Variants in JCAD observed in about 807,000 individuals in gnomAD.
JCAD encodes the protein junctional cadherin 5-associated protein.
JCAD carries 40 observed loss-of-function variants against 98.0 expected under a neutral mutation model. The ratio of observed to expected loss-of-function variants is 0.41; its 90% CI spans 0.32 to 0.53. The LOEUF is 0.53. Ranked by LOEUF, JCAD falls within the 20% of genes least tolerant of loss-of-function variation. The probability of loss-of-function intolerance (pLI) is 0.31; values close to 1 mark genes in which losing one functional copy is unlikely to be tolerated. For synonymous variants in JCAD, 691 were observed against 682.3 expected, an observed-to-expected ratio of 1.01 and a Z score of -0.20; for missense variants, 1,705 against 1,738.1, an observed-to-expected ratio of 0.98 and a Z score of 0.34.
At position 30,044,757 on chromosome 10, in the gene JCAD, G is replaced by A. The variant is rs539791288; in HGVS notation, c.281+2775C>T. 49 of 976,776 alleles carry A rather than the reference G, an allele frequency of 5.0e-5. No homozygotes were observed. In the South Asian group the frequency reaches 2.2e-3, roughly 44 times the overall value. 60.5% of individuals were successfully genotyped at this position (976,776 alleles called of 1,614,324 possible). ...TCCCAAAGCACTTTGTTTCTGATGG[G>A]GAAAAACAATTCTCCTTCATGCCTA... On this transcript the variant is annotated intron_variant, in intron 2 of 3. Transcript: ENST00000375377.
In JCAD at chr10:30,029,042, C is replaced by T. The variant is rs768035196; in HGVS notation, c.1106G>A (p.Gly369Asp). ...GGTCGGAGACTGCTGTTGACTGTGA[C>T]CGCCACACACATTTATGGGCACCGT... ...EDTVPINVCGGHSQQQSPTEK... is the reference protein window; with the variant it reads ...EDTVPINVCGDHSQQQSPTEK... Residue 369 changes from glycine to aspartate, a missense_variant, in exon 3 of 4, where the codon GGT (glycine) becomes GAT (aspartate). By Grantham distance (94) the Gly-to-Asp change is moderately conservative. This residue lies in a region of JCAD where 275 missense variants were observed against 346.9 expected (regional missense o/e 0.79). Transcript: ENST00000375377. The T allele has an allele frequency of 6.2e-7, 1 of 1,614,102 alleles. No individual in the cohort carries two copies. Among genetic ancestry groups the T allele is most frequent in the Non-Finnish European group, 8.5e-7 (1 of 1,180,020 alleles).
intron 2 of JCAD, among the ~76,000 whole-genome samples, chr10:30,043,928 T>C (rs909163641): frequency 1.3e-5 from 2 of 152,222 alleles, no homozygotes; most frequent in Non-Finnish European, 1.5e-5. Context: ...AAATGTTTAT[T>C]CTGTCTAAAA....
At chr10:30,019,942 GGA>G (rs1836623340) in intron 3 of JCAD, among the ~76,000 whole-genome samples, 1 of 132,624 alleles carries the variant, frequency 7.5e-6, no homozygotes, top group African/African-American at 2.8e-5. Context: ...AAAAGAAAAA[GGA>G]AAAAAAACAG....
chr10:30,017,810 C>T lies in JCAD; in HGVS notation c.*73G>A. The T allele has an allele frequency of 7.3e-7, 1 of 1,368,976 alleles. No individual in the cohort carries two copies. The highest frequency in any genetic ancestry group is 1.0e-6 in the Non-Finnish European group (1 of 956,514). The allele number at this position is 1,368,976 out of a possible 1,614,324, so 84.8% of individuals were successfully genotyped here. On this transcript the variant is annotated 3_prime_UTR_variant, in exon 4 of 4. Coordinates refer to ENST00000375377, the MANE Select transcript of JCAD (RefSeq NM_020848.4). ...CCAGCTTCTACATGGGGAAGTGGGGCTGATAGACTAAATCTACCAGCTACT... is the reference window on the plus strand; with the variant it reads ...CCAGCTTCTACATGGGGAAGTGGGGTTGATAGACTAAATCTACCAGCTACT...
At chr10:30,055,311 C>T (rs1837548379) in intron 1 of JCAD, among the ~76,000 whole-genome samples, 1 of 152,192 alleles carries the variant, frequency 6.6e-6, no homozygotes. Flanking sequence ...GTAAATATCT[C>T]TTCAACTGAC....
rs1263955282 is a variant in JCAD, at chr10:30,013,702, C to T, written c.*4181G>A. 1 of 152,218 alleles carries T rather than the reference C, an allele frequency of 6.6e-6. No homozygotes were observed. The highest frequency in any genetic ancestry group is 6.5e-5 in the Admixed American group (1 of 15,284). The allele number at this position is 152,218 out of a possible 1,614,324, so 9.4% of individuals were successfully genotyped here. Reference sequence around the variant, plus strand: ...CCTGTCTTTCATACGGAAAGGGTTCCTCCTAACCCCTATCAAAGCATGGGG... The same window carrying T: ...CCTGTCTTTCATACGGAAAGGGTTCTTCCTAACCCCTATCAAAGCATGGGG... On this transcript the variant is annotated 3_prime_UTR_variant, in exon 4 of 4. Coordinates refer to ENST00000375377, the MANE Select transcript of JCAD (RefSeq NM_020848.4).
chr10:30,027,800 T>A lies in JCAD; in HGVS notation c.2348A>T (p.Gln783Leu). The A allele has an allele frequency of 1.2e-6, 2 of 1,614,266 alleles. No individual in the cohort carries two copies. The highest frequency in any genetic ancestry group is 1.7e-6 in the Non-Finnish European group (2 of 1,180,050). The part of the protein sequence containing the change: ...QAPTPKAGRS[Q>L]PCVDVHGLGA... Reference sequence around the variant, plus strand: ...AAGCCCGTGGACATCCACGCAGGGCTGACTTCGGCCTGCTTTTGGCGTCGG... The same window carrying A: ...AAGCCCGTGGACATCCACGCAGGGCAGACTTCGGCCTGCTTTTGGCGTCGG... The change falls in exon 3 of 4, where the codon CAG becomes CTG. Residue 783 changes from glutamine (Q) to leucine (L), a missense_variant. Physicochemically the swap from Gln to Leu is moderately radical, Grantham distance 113. Coordinates refer to ENST00000375377, the MANE Select transcript of JCAD (RefSeq NM_020848.4).
intron 1 of JCAD, among the ~76,000 whole-genome samples, chr10:30,093,709 C>T (rs1236453562): frequency 2.0e-5 from 3 of 152,180 alleles, no homozygotes; most frequent in Admixed American, 6.5e-5. Flanking sequence ...CCACGGGAAT[C>T]CCGGGGATAG....
chr10:30,109,761 C>CTGATATATGGACTTCT (rs1377279581), intron 1 of JCAD, among the ~76,000 whole-genome samples: 3 of 152,182 alleles, frequency 2.0e-5, no homozygotes, highest in Non-Finnish European at 4.4e-5. Flanking sequence ...TATGGACTCC[C>CTGATATATGGACTTCT]TGATATATGG....
chr10:30,041,112 G>A (rs1194398221), intron 2 of JCAD, among the ~76,000 whole-genome samples: 4 of 152,014 alleles, frequency 2.6e-5, no homozygotes, highest in African/African-American at 4.8e-5. Flanking sequence ...TTTTTAGTGG[G>A]GAAACTGGTG....
Position 30,027,196 on chromosome 10 carries a change from G to A in JCAD, c.2952C>T (p.Asp984=), listed in dbSNP as rs772965930. ...PVTRMSSRSS[D]AKPLPASYPA... is the part of the protein sequence containing the mutation. ...GATAGGACGCGGGCAGTGGTTTTGC[G>A]TCACTTGATCTTGAAGACATTCTCG... The change falls in exon 3 of 4, where the codon GAC becomes GAT. Residue 984 remains aspartate (D), a synonymous_variant. Coordinates refer to ENST00000375377, the MANE Select transcript of JCAD (RefSeq NM_020848.4). The A allele has an allele frequency of 4.3e-6, 7 of 1,614,064 alleles. No homozygotes were observed. In the African/African-American group the frequency reaches 5.3e-5, roughly 12 times the overall value.
chr10:30,040,995 T>C (rs542214674), intron 2 of JCAD, among the ~76,000 whole-genome samples: 6 of 152,250 alleles, frequency 3.9e-5, no homozygotes, highest in African/African-American at 1.2e-4. Flanking sequence ...GCAAGATGCA[T>C]GAGGCCCTCG....
chr10:30,026,062 A>G (rs1233917334), intron 3 of JCAD, 41 bp downstream of exon 3: 1 of 1,612,792 alleles, frequency 6.2e-7, no homozygotes, highest in East Asian at 2.2e-5. Flanking sequence ...TAAAAACTCC[A>G]AATGTATACT....
At chr10:30,085,964 A>G (rs761776423) in intron 1 of JCAD, among the ~76,000 whole-genome samples, 1 of 152,226 alleles carries the variant, frequency 6.6e-6, no homozygotes, top group Non-Finnish European at 1.5e-5. Flanking sequence ...GTTAAAATTC[A>G]AAATTACGTG....
At chr10:30,020,326 CAAAAAAAAAA>C (rs59762991) in intron 3 of JCAD, among the ~76,000 whole-genome samples, 87 of 83,062 alleles carry the variant, frequency 1.0e-3, no homozygotes, top group African/African-American at 3.7e-3. Flanking sequence ...GACTCGGTCT[CAAAAAAAAAA>C]AAAAAAAAAA....
intron 1 of JCAD, among the ~76,000 whole-genome samples, chr10:30,107,833 C>G (rs186869013): frequency 6.6e-6 from 1 of 152,240 alleles, no homozygotes; most frequent in East Asian, 1.9e-4. Flanking sequence ...GAAGCCCCAT[C>G]ATTTCAGAAT....
At chr10:30,109,707 G>A (rs1240583393) in intron 1 of JCAD, among the ~76,000 whole-genome samples, 1 of 152,216 alleles carries the variant, frequency 6.6e-6, no homozygotes, top group East Asian at 1.9e-4. Context: ...GGCAGCATCG[G>A]CGGGATGTGG....
chr10:30,047,734 G>C lies in JCAD; in HGVS notation c.79C>G (p.Pro27Ala). The change falls in exon 2 of 4, where the codon CCC becomes GCC. Residue 27 changes from proline to alanine, a missense_variant. Transcript: ENST00000375377. ...GTCCTCGCTGCCTGGCGCCCCTTGG[G>C]GTTATCCTCGCGTGATGCTGGGGGG... Reference protein sequence around the residue: ...RDPPASREDNPKGRQAARTGT... With the variant: ...RDPPASREDNAKGRQAARTGT... 1.9e-6 allele frequency: 3 copies of C among 1,614,214 alleles called. No homozygotes were observed.
At chr10:30,112,952 G>A (rs151105319) in intron 1 of JCAD, among the ~76,000 whole-genome samples, 4 of 151,896 alleles carry the variant, frequency 2.6e-5, no homozygotes, top group Admixed American at 6.6e-5. Flanking sequence ...ATAATGGGGC[G>A]TGACTGCTTA....
Sources: allele counts gnomAD v4.1 joint callset (sites outside exome capture counted in the v4.1 genomes callset), GRCh38; gene constraint gnomAD v4.1.1; regional missense constraint gnomAD v4.1.1; transcripts MANE v1.5; gene names NCBI Gene and HGNC (gene_info 2026-07-23, HGNC 2026-07-21).